Variants in DLGAP4 observed in about 807,000 individuals in gnomAD.
The protein encoded by DLGAP4 is disks large-associated protein 4.
DLGAP4 carries 18 observed loss-of-function variants against 86.9 expected under a neutral mutation model. The ratio of observed to expected loss-of-function variants is 0.21; its 90% CI spans 0.14 to 0.31. The LOEUF is 0.31. Among genes scored for constraint, DLGAP4 ranks in the 10% least tolerant of loss-of-function variants. The pLI is 1.00. For synonymous variants in DLGAP4, 548 were observed against 574.3 expected, an observed-to-expected ratio of 0.95 and a Z score of 0.65; for missense variants, 1,085 against 1,362.6, an observed-to-expected ratio of 0.80 and a Z score of 3.21.
intron 8 of DLGAP4, chr20:36,499,348 C>G (rs2036025781): frequency 1.2e-6 from 2 of 1,606,840 alleles, no homozygotes; most frequent in Non-Finnish European, 8.5e-7. Context: ...ATCTCCACCC[C>G]ATCCCACCTC....
chr20:36,481,415 C>A (rs998478496), intron 7 of DLGAP4, among the ~76,000 whole-genome samples: 1 of 152,188 alleles, frequency 6.6e-6, no homozygotes, highest in Non-Finnish European at 1.5e-5. Flanking sequence ...CCATCCTAGC[C>A]TCTCCAAGCC....
chr20:36,519,101 T>C (rs2037212898), intron 10 of DLGAP4, among the ~76,000 whole-genome samples: 1 of 147,458 alleles, frequency 6.8e-6, no homozygotes. Context: ...CGGGCAACAG[T>C]GCGAGACTCC....
At chr20:36,435,054 C>T (rs2033232965) in intron 3 of DLGAP4, among the ~76,000 whole-genome samples, 1 of 151,416 alleles carries the variant, frequency 6.6e-6, no homozygotes. Context: ...GGTGGGTGTG[C>T]TCTGTGTATA....
chr20:36,462,044 C>A, intron 7 of DLGAP4: 1 of 987,352 alleles, frequency 1.0e-6, no homozygotes, highest in Non-Finnish European at 1.2e-6. Flanking sequence ...CAAGGGCTCC[C>A]CGTGAGTTTC....
rs566018562 is a variant in DLGAP4 at position 36,460,563 on chromosome 20, G to C, written c.1648+13626G>C. Among the ~76,000 whole-genome samples the C allele has an allele frequency of 2.6e-5, 4 of 152,348 alleles. No individual in the cohort carries two copies. In the Middle Eastern group the frequency reaches 0.014, roughly 518 times the overall value. On this transcript the variant is annotated intron_variant, in intron 7 of 12. Coordinates refer to ENST00000339266, the MANE Select transcript of DLGAP4 (RefSeq NM_001365621.2). ...TGGAAAACAGATGCGAGAAAGGAAAGGACTTGCCTAGGTCACCCAGCAAGG... is the reference window on the plus strand; with the variant it reads ...TGGAAAACAGATGCGAGAAAGGAAACGACTTGCCTAGGTCACCCAGCAAGG...
At chr20:36,443,723 C>T (rs1228484030) in intron 6 of DLGAP4, among the ~76,000 whole-genome samples, 1 of 152,114 alleles carries the variant, frequency 6.6e-6, no homozygotes, top group African/African-American at 2.4e-5. Context: ...GATACACATA[C>T]CAGCAGCGCT....
chr20:36,329,868 T>C (rs1186010236), intron 1 of DLGAP4, among the ~76,000 whole-genome samples: 2 of 152,106 alleles, frequency 1.3e-5, no homozygotes, highest in Non-Finnish European at 2.9e-5. Flanking sequence ...CCATCTCTAC[T>C]GAAAATACAA....
At chr20:36,469,540 G>C (rs1036425690) in intron 7 of DLGAP4, among the ~76,000 whole-genome samples, 3 of 152,048 alleles carry the variant, frequency 2.0e-5, no homozygotes, top group African/African-American at 7.2e-5. Flanking sequence ...ATCACCTGAG[G>C]TCAGGAGTTC....
rs965067168 is a variant in DLGAP4 at position 36,423,865 on chromosome 20, C to T, written c.-72-7781C>T. 5.3e-5 allele frequency among the ~76,000 whole-genome samples: 8 copies of T among 151,804 alleles called. No homozygotes were observed. The East Asian group carries it at 9.7e-4, about 18-fold the overall frequency. ...ATCCCAGCTACTCGGGAGGCTGAGG[C>T]GGGAGAATTGCTTGAACCCGGGAGG... On this transcript the variant is annotated intron_variant, in intron 2 of 12. Coordinates refer to ENST00000339266, the MANE Select transcript of DLGAP4 (RefSeq NM_001365621.2).
At chr20:36,339,837 T>C (rs546775833) in intron 1 of DLGAP4, among the ~76,000 whole-genome samples, 2 of 152,226 alleles carry the variant, frequency 1.3e-5, no homozygotes, top group African/African-American at 4.8e-5. Context: ...CATTTGCTCA[T>C]GGAGGGGACG....
rs762306621 is a variant in DLGAP4, at chr20:36,432,365, C to G, written c.648C>G (p.Gly216=). The part of the protein sequence containing the change: ...SSDDNLDGEA[G]AFRSSGPASG... Reference sequence around the variant, plus strand: ...ATGACAACTTGGACGGCGAGGCCGGCGCCTTCCGCAGCAGTGGCCCAGCCT... The same window carrying G: ...ATGACAACTTGGACGGCGAGGCCGGGGCCTTCCGCAGCAGTGGCCCAGCCT... Residue 216 remains glycine, a synonymous_variant, in exon 3 of 13, where the codon GGC becomes GGG. Coordinates refer to ENST00000339266, the MANE Select transcript of DLGAP4 (RefSeq NM_001365621.2). The surrounding 1 kb of genome is among the most constrained non-coding windows in gnomAD (Gnocchi z 6.5). 1 of 1,613,496 alleles carries G rather than the reference C, an allele frequency of 6.2e-7. No individual in the cohort carries two copies. Among genetic ancestry groups the G allele is most frequent in the Non-Finnish European group, 8.5e-7 (1 of 1,180,020 alleles).
intron 2 of DLGAP4, among the ~76,000 whole-genome samples, chr20:36,390,739 G>A (rs1173739285): frequency 6.6e-6 from 1 of 152,154 alleles, no homozygotes; most frequent in East Asian, 1.9e-4. Flanking sequence ...ACCCACTTGA[G>A]GAATCCTGGA....
intron 1 of DLGAP4, among the ~76,000 whole-genome samples, chr20:36,312,345 G>T (rs1175615181): frequency 6.6e-6 from 1 of 151,596 alleles, no homozygotes; most frequent in Non-Finnish European, 1.5e-5. Flanking sequence ...ACATGCACAC[G>T]CACACACACA....
intron 2 of DLGAP4, among the ~76,000 whole-genome samples, chr20:36,396,159 G>A (rs967325212): frequency 5.3e-5 from 8 of 152,080 alleles, no homozygotes; most frequent in East Asian, 1.9e-4. Flanking sequence ...GGTCTAGTCC[G>A]AGGTTGACAT....
chr20:36,334,532 G>C (rs1051680033), intron 1 of DLGAP4, among the ~76,000 whole-genome samples: 1 of 152,186 alleles, frequency 6.6e-6, no homozygotes, highest in Non-Finnish European at 1.5e-5. Flanking sequence ...CAGGGGCCCA[G>C]GTGGCCATGG....
intron 1 of DLGAP4, among the ~76,000 whole-genome samples, chr20:36,338,166 G>A (rs1330901278): frequency 2.0e-5 from 3 of 152,230 alleles, no homozygotes; most frequent in Non-Finnish European, 4.4e-5. Flanking sequence ...GACACATGGT[G>A]TGGGGAGCTC....
chr20:36,447,060 G>A, intron 7 of DLGAP4, 123 bp downstream of exon 7: 1 of 1,449,490 alleles, frequency 6.9e-7, no homozygotes, highest in Non-Finnish European at 9.1e-7. Flanking sequence ...CGCACCAGGG[G>A]GATGGTTGGG....
chr20:36,334,545 A>AC (rs1460259150), intron 1 of DLGAP4, among the ~76,000 whole-genome samples: 1 of 151,744 alleles, frequency 6.6e-6, no homozygotes. Flanking sequence ...GGCCATGGAG[A>AC]CCCCACGTAG....
chr20:36,461,755 G>T, intron 7 of DLGAP4: 1 of 180,770 alleles, frequency 5.5e-6, no homozygotes, highest in Non-Finnish European at 7.4e-6. Context: ...CCGTCCGCCC[G>T]CCCGCCCGCC....
Sources: gnomAD v4.1 joint callset for allele counts (sites outside exome capture counted in the v4.1 genomes callset) on GRCh38, gnomAD v4.1.1 for gene constraint, Gnocchi (gnomAD v3.1) non-coding constraint, MANE v1.5 for transcripts, NCBI Gene and HGNC (gene_info 2026-07-23, HGNC 2026-07-21) for gene names.